Variants in EPS8L2 observed in about 807,000 individuals in gnomAD.
EPS8L2 encodes the protein epidermal growth factor receptor kinase substrate 8-like protein 2.
A neutral mutation model predicts 99.4 loss-of-function variants in EPS8L2; 81 were observed. That is an observed-to-expected ratio of 0.82 (90% confidence interval 0.68 to 0.98). The LOEUF (loss-of-function observed/expected upper bound fraction) is 0.98. Among genes scored for constraint, EPS8L2 ranks in the 50% least tolerant of loss-of-function variants. The pLI is 0.00. For synonymous variants in EPS8L2, 509 were observed against 407.3 expected (o/e 1.25, Z -3.01); for missense variants, 1,155 against 968.8 (o/e 1.19, Z -2.55).
intron 1 of EPS8L2, 118 bp from the exon 2 acceptor site, chr11:709,212 C>A: frequency 1.7e-6 from 1 of 579,384 alleles, no homozygotes; most frequent in Non-Finnish European, 2.8e-6. Flanking sequence ...CGGGCAGGGG[C>A]TCTGCCCCCC....
intron 4 of EPS8L2, among the ~76,000 whole-genome samples, chr11:718,732 G>GTA: frequency 6.7e-6 from 1 of 149,996 alleles, no homozygotes; most frequent in East Asian, 2.0e-4. Context: ...GCAGTGGCAC[G>GTA]ATCTTGATTC....
Position 721,216 on chromosome 11 carries a change from G to A in EPS8L2, c.700+10G>A, listed in dbSNP as rs1862164591. 5.2e-6 allele frequency: 8 copies of A among 1,530,222 alleles called. No individual in the cohort carries two copies. The African/African-American group carries it at 8.3e-5, about 16-fold the overall frequency. The allele number at this position is 1,530,222 out of a possible 1,614,324, so 94.8% of individuals were successfully genotyped here. A position where few individuals can be genotyped will look rare whatever the true frequency, so the allele number is the denominator to read the frequency against. On this transcript the variant is annotated intron_variant, in intron 8 of 20. Coordinates refer to ENST00000318562, the MANE Select transcript of EPS8L2 (RefSeq NM_022772.4). ...CCACTCAGCGAGCCAGGTGGGCCGA[G>A]GGGCTGGAGGGGGCTCCACAGGGCT...
At chr11:725,969 C>T (rs1862305745) in intron 17 of EPS8L2, 122 bp downstream of exon 17, 1 of 1,358,090 alleles carries the variant, frequency 7.4e-7, no homozygotes. Flanking sequence ...GCAGGGCTCC[C>T]TGGGCAGAAG....
At position 727,165 on chromosome 11, in the gene EPS8L2, A is replaced by C. The variant is rs932384880; in HGVS notation, c.*184A>C. ...TAGGCCAAACAGTACCCAAGGCCTC[A>C]GCCCACACCAAGACTAATCTCAGCC... On this transcript the variant is annotated 3_prime_UTR_variant, in exon 21 of 21. Coordinates refer to ENST00000318562, the MANE Select transcript of EPS8L2 (RefSeq NM_022772.4). 1.2e-5 allele frequency: 7 copies of C among 562,358 alleles called. No homozygotes were observed. The African/African-American group carries it at 1.3e-4, about 11-fold the overall frequency. The allele number at this position is 562,358 out of a possible 1,614,324, so 34.8% of individuals were successfully genotyped here. A position where few individuals can be genotyped will look rare whatever the true frequency, so the allele number is the denominator to read the frequency against.
intron 4 of EPS8L2, among the ~76,000 whole-genome samples, chr11:715,160 T>C (rs1051294524): frequency 5.3e-5 from 8 of 151,890 alleles, no homozygotes; most frequent in Admixed American, 1.3e-4. Flanking sequence ...GAGAATGGCG[T>C]GAACCCCGGA....
chr11:725,528 C>A (rs1212288259), intron 16 of EPS8L2, among the ~76,000 whole-genome samples, 200 bp from the exon 17 acceptor site: 1 of 152,094 alleles, frequency 6.6e-6, no homozygotes, highest in African/African-American at 2.4e-5. Context: ...AAAAGGGTCC[C>A]CCAGACTCCT....
chr11:720,901 G>A lies in EPS8L2; in HGVS notation c.549G>A (p.Gln183=). 6.9e-7 allele frequency: 1 copy of A among 1,459,628 alleles called. No individual in the cohort carries two copies. The highest frequency in any genetic ancestry group is 9.1e-7 in the Non-Finnish European group (1 of 1,095,042). The allele number at this position is 1,459,628 out of a possible 1,614,324, so 90.4% of individuals were successfully genotyped here. Residue 183 remains glutamine, a synonymous_variant, in exon 7 of 21, where the codon CAG becomes CAA. Coordinates refer to ENST00000318562, the MANE Select transcript of EPS8L2 (RefSeq NM_022772.4). ...GGCTGGGCAAGAAGATGCGGCCGCA[G>A]ACCCTGAAGTAGGGCAGCGGGCGGA... ...DCRLGKKMRP[Q]TLKGHQEKIR...
At chr11:725,955 A>C (rs1242104933) in intron 17 of EPS8L2, 108 bp downstream of exon 17, 1 of 1,335,498 alleles carries the variant, frequency 7.5e-7, no homozygotes, top group Non-Finnish European at 9.8e-7. Context: ...AGACTGGGGC[A>C]GGTGCAGGGC....
Position 727,290 on chromosome 11 carries a change from C to T in EPS8L2, c.*309C>T. 1 of 285,240 alleles carries T rather than the reference C, an allele frequency of 3.5e-6. No homozygotes were observed. The highest frequency in any genetic ancestry group is 4.0e-5 in the South Asian group (1 of 24,778). The allele number at this position is 285,240 out of a possible 1,614,324, so 17.7% of individuals were successfully genotyped here. ...TCTTTCTCTGGCCTCCCCTGTGCAC[C>T]TGGGGGGTCCTGGCCCCTGTGATGC... On this transcript the variant is annotated 3_prime_UTR_variant, in exon 21 of 21. Coordinates refer to ENST00000318562, the MANE Select transcript of EPS8L2 (RefSeq NM_022772.4).
In EPS8L2 at chr11:710,249, A is replaced by C. The variant is rs1861848937; in HGVS notation, c.101-173A>C. ...CAAGGGGGCTTCCCTGGAGGGAGGG[A>C]GGGGGCTTCCTGCAGGTCCTGATTT... On this transcript the variant is annotated intron_variant, in intron 3 of 20. Coordinates refer to ENST00000318562, the MANE Select transcript of EPS8L2 (RefSeq NM_022772.4). 8.0e-6 allele frequency: 5 copies of C among 624,338 alleles called. No individual in the cohort carries two copies. In the East Asian group the frequency reaches 1.4e-4, roughly 18 times the overall value. 38.7% of individuals were successfully genotyped at this position (624,338 alleles called of 1,614,324 possible).
chr11:711,548 A>G (rs1039433204), intron 4 of EPS8L2, among the ~76,000 whole-genome samples: 1 of 151,716 alleles, frequency 6.6e-6, no homozygotes, highest in Non-Finnish European at 1.5e-5. Flanking sequence ...AAGTCTCCCT[A>G]TGTTGCCCAG....
chr11:718,675 T>TC (rs1293234463), intron 4 of EPS8L2, among the ~76,000 whole-genome samples: 1 of 149,514 alleles, frequency 6.7e-6, no homozygotes, highest in African/African-American at 2.4e-5. Flanking sequence ...TTAATTTCTT[T>TC]TTTTTTTTTT....
At chr11:723,655 A>C (rs1171121936) in intron 15 of EPS8L2, among the ~76,000 whole-genome samples, 2 of 152,176 alleles carry the variant, frequency 1.3e-5, no homozygotes, top group African/African-American at 4.8e-5. Flanking sequence ...TGGTTTCACC[A>C]AACACTGGCA....
chr11:721,363 G>A lies in EPS8L2; in HGVS notation c.768+11G>A, dbSNP rs1021961547. On this transcript the variant is annotated intron_variant, in intron 9 of 20. Coordinates refer to ENST00000318562, the MANE Select transcript of EPS8L2 (RefSeq NM_022772.4). ...ATAGAGAAGGAGACGGTGGGTGCCC[G>A]GGCCCGGCAGGTGGCCCCTCTCTTC... 3.9e-6 allele frequency: 6 copies of A among 1,539,098 alleles called. No individual in the cohort carries two copies. Among genetic ancestry groups the A allele is most frequent in the East Asian group, 2.4e-5 (1 of 40,950 alleles).
In EPS8L2 at chr11:726,396, C is replaced by A; in HGVS notation, c.1846C>A (p.Arg616Ser). 1 of 1,608,126 alleles carries A rather than the reference C, an allele frequency of 6.2e-7. No homozygotes were observed. Among genetic ancestry groups the A allele is most frequent in the Non-Finnish European group, 8.5e-7 (1 of 1,178,304 alleles). ...AQPQRHFRVE[R>S]SQPVSQPLTY... ...GCCACAGAGGCACTTCCGCGTGGAG[C>A]GCAGCCAGCCCGTGAGCCAGCCGCT... is the stretch of plus-strand genomic sequence containing the variant. Residue 616 changes from arginine to serine, a missense_variant, in exon 19 of 21, where the codon CGC (arginine) becomes AGC (serine). Physicochemically the swap from Arg to Ser is moderately radical, Grantham distance 110. Coordinates refer to ENST00000318562, the MANE Select transcript of EPS8L2 (RefSeq NM_022772.4).
At position 710,412 on chromosome 11, in the gene EPS8L2, C is replaced by A. The variant is rs1401733279; in HGVS notation, c.101-10C>A. 1 of 1,613,284 alleles carries A rather than the reference C, an allele frequency of 6.2e-7. No homozygotes were observed. ...CCCGTCGGGGGAGTGACTGGTGTCT[C>A]CCGGTTCAGAGCAGAGGAAGAAGTA... On this transcript the variant is annotated splice_polypyrimidine_tract_variant and intron_variant, in intron 3 of 20. Transcript: ENST00000318562.
rs2133544524 is a variant in EPS8L2, at chr11:727,005, C to T, written c.*24C>T. ...AGGCCCAGCTGCCTTGGGCTGGGGC[C>T]TGCGGAGGGGAAGCCCACCCACAAT... is the stretch of plus-strand genomic sequence containing the variant. On this transcript the variant is annotated 3_prime_UTR_variant, in exon 21 of 21. Transcript: ENST00000318562. The T allele has an allele frequency of 6.5e-7, 1 of 1,550,158 alleles. No individual in the cohort carries two copies. The highest frequency in any genetic ancestry group is 1.1e-5 in the South Asian group (1 of 89,092).
chr11:724,781 A>G lies in EPS8L2; in HGVS notation c.1512A>G (p.Thr504=). 6.2e-7 allele frequency: 1 copy of G among 1,613,660 alleles called. No individual in the cohort carries two copies. The highest frequency in any genetic ancestry group is 8.5e-7 in the Non-Finnish European group (1 of 1,179,956). Residue 504 remains threonine (T), a synonymous_variant, in exon 16 of 21, where the codon ACA becomes ACG. Transcript: ENST00000318562. This position sits in a 1 kb window ranked among gnomAD's most constrained non-coding sequence, Gnocchi z 5.5. ...AKYVKILYDF[T]ARNANELSVL... The stretch of plus-strand genomic sequence containing the variant: ...ACGTCAAGATCCTGTATGACTTCAC[A>G]GCCCGAAATGCCAACGAGCTATCGG...
At chr11:719,362 C>T (rs544453446) in intron 4 of EPS8L2, among the ~76,000 whole-genome samples, 25 of 147,346 alleles carry the variant, frequency 1.7e-4, no homozygotes, top group Non-Finnish European at 2.9e-4. Context: ...GTGCACCGAA[C>T]GGCCAACCCT....
Sources: allele counts gnomAD v4.1 joint callset (sites outside exome capture counted in the v4.1 genomes callset), GRCh38; gene constraint gnomAD v4.1.1; non-coding constraint Gnocchi (gnomAD v3.1); transcripts MANE v1.5; gene names NCBI Gene and HGNC (gene_info 2026-07-23, HGNC 2026-07-21).